Variants in AHCY observed in about 807,000 individuals in gnomAD.
AHCY encodes the protein adenosylhomocysteinase, also known as S-adenosyl-L-homocysteine hydrolase.
A neutral mutation model predicts 45.4 loss-of-function variants in AHCY; 24 were observed. The ratio of observed to expected loss-of-function variants is 0.53; its 90% CI spans 0.38 to 0.74. AHCY has a LOEUF of 0.74. Ranked by LOEUF, AHCY falls within the 30% of genes least tolerant of loss-of-function variation. The probability of loss-of-function intolerance (pLI) is 0.00; values close to 1 mark genes in which losing one functional copy is unlikely to be tolerated. For missense variants in AHCY, 449 were observed against 594.1 expected, an observed-to-expected ratio of 0.76 and a Z score of 2.54; for synonymous variants, 245 against 235.1, an observed-to-expected ratio of 1.04 and a Z score of -0.39.
the AHCY span, among the ~76,000 whole-genome samples, chr20:34,272,154 G>T: frequency 6.6e-6 from 1 of 152,166 alleles, no homozygotes; most frequent in African/African-American, 2.4e-5. Flanking sequence ...CCTTGCACTG[G>T]ACCATTCAAA....
At chr20:34,236,012 A>AGG in the AHCY span, among the ~76,000 whole-genome samples, 3 of 113,710 alleles carry the variant, frequency 2.6e-5, no homozygotes, top group Non-Finnish European at 4.9e-5. Flanking sequence ...GAAAGAGAGA[A>AGG]AGAGAGAGAG....
intron 4 of AHCY, among the ~76,000 whole-genome samples, chr20:34,291,998 G>T (rs2036412810): frequency 6.6e-6 from 1 of 152,214 alleles, no homozygotes; most frequent in Non-Finnish European, 1.5e-5. Flanking sequence ...CGCAGTGAAG[G>T]CTCCCTTTGC....
chr20:34,283,043 C>T (rs2036053634), intron 9 of AHCY, among the ~76,000 whole-genome samples: 1 of 152,204 alleles, frequency 6.6e-6, no homozygotes, highest in South Asian at 2.1e-4. Flanking sequence ...AGGTGATGTG[C>T]TCAGCAGAGA....
chr20:34,259,762 A>T, the AHCY span, among the ~76,000 whole-genome samples: 2 of 151,902 alleles, frequency 1.3e-5, no homozygotes, highest in Non-Finnish European at 2.9e-5. Context: ...AAAAAAAAAA[A>T]TCCAGCTAGC....
the AHCY span, among the ~76,000 whole-genome samples, chr20:34,235,997 AAGG>A: frequency 9.3e-6 from 1 of 107,648 alleles, no homozygotes; most frequent in Non-Finnish European, 1.7e-5. Context: ...AGAAGGAAGG[AAGG>A]AGAAAGAGAG....
chr20:34,276,601 G>A (rs1383031656), downstream of AHCY, among the ~76,000 whole-genome samples: 2 of 152,008 alleles, frequency 1.3e-5, no homozygotes, highest in Non-Finnish European at 2.9e-5. Context: ...CCCAGCACCC[G>A]GGGGTCTTTA....
At chr20:34,281,295 T>C (rs979290185) in intron 9 of AHCY, 130 bp from the exon 10 acceptor site, 28 of 1,406,166 alleles carry the variant, frequency 2.0e-5, no homozygotes, top group Admixed American at 7.5e-5. Flanking sequence ...GTTAACTCTT[T>C]CTATCCTCAC....
chr20:34,311,642 T>A (rs1201112628), exon 1 of AHCY: 3 of 152,514 alleles, frequency 2.0e-5, no homozygotes, highest in Non-Finnish European at 4.4e-5. Context: ...TCACTCTGGA[T>A]TAACTGGAGG....
At chr20:34,309,264 TTATCTATTTC>T (rs2036925270) in intron 1 of AHCY, among the ~76,000 whole-genome samples, 1 of 152,176 alleles carries the variant, frequency 6.6e-6, no homozygotes, top group Non-Finnish European at 1.5e-5. Flanking sequence ...CTGGCCGGAT[TTATCTATTTC>T]TATCTATTAG....
the AHCY span, among the ~76,000 whole-genome samples, chr20:34,247,538 C>A: frequency 1.2e-3 from 180 of 152,032 alleles, no homozygotes; most frequent in African/African-American, 4.2e-3. Flanking sequence ...ACCTCGTGAT[C>A]CACCCACCTC....
At chr20:34,302,781 G>A in intron 1 of AHCY, 1 of 996,316 alleles carries the variant, frequency 1.0e-6, no homozygotes, top group Non-Finnish European at 1.2e-6. Flanking sequence ...TCGCTTTCCA[G>A]GCCTCTCCTC....
At chr20:34,256,806 C>T in the AHCY span, among the ~76,000 whole-genome samples, 1 of 152,126 alleles carries the variant, frequency 6.6e-6, no homozygotes, top group Admixed American at 6.5e-5. Context: ...GATAGAGTCT[C>T]ACTGTGTTGC....
At chr20:34,304,497 GT>G (rs1214311683), upstream of AHCY, among the ~76,000 whole-genome samples, 1 of 149,442 alleles carries the variant, frequency 6.7e-6, no homozygotes, top group Non-Finnish European at 1.5e-5. Flanking sequence ...TTATAGTTAT[GT>G]TTTTTTAATT....
At chr20:34,301,993 TC>T (rs1408948829) in intron 1 of AHCY, 1 of 959,466 alleles carries the variant, frequency 1.0e-6, no homozygotes, top group African/African-American at 1.8e-5. Context: ...CTTAATAGTG[TC>T]TTTTTTTGTT....
chr20:34,302,788 C>A, intron 1 of AHCY: 1 of 1,003,064 alleles, frequency 1.0e-6, no homozygotes, highest in Non-Finnish European at 1.2e-6. Flanking sequence ...CCAGGCCTCT[C>A]CTCATACACC....
intron 9 of AHCY, 26 bp from the exon 10 acceptor site, chr20:34,281,191 G>T: frequency 6.2e-7 from 1 of 1,611,714 alleles, no homozygotes. Context: ...GGAAGACCGG[G>T]AATCAGTGCC....
Position 34,303,325 on chromosome 20 carries a change from A to G in AHCY, c.-55T>C. On this transcript the variant is annotated 5_prime_UTR_variant, in exon 1 of 10. Transcript: ENST00000217426. ...AAGGGGGCTGGGCCTCAGTCTGGGAACAGGAACTGGGCGGGCAGCGCCGAG... is the reference window on the plus strand; with the variant it reads ...AAGGGGGCTGGGCCTCAGTCTGGGAGCAGGAACTGGGCGGGCAGCGCCGAG... The G allele has an allele frequency of 1.3e-6, 2 of 1,551,194 alleles. No individual in the cohort carries two copies. Among genetic ancestry groups the G allele is most frequent in the Middle Eastern group, 1.7e-4 (1 of 5,992 alleles).
chr20:34,300,929 CCT>C (rs892927992), intron 1 of AHCY, among the ~76,000 whole-genome samples: 13 of 152,150 alleles, frequency 8.5e-5, no homozygotes, highest in Non-Finnish European at 1.2e-4. Flanking sequence ...CTGTGCCACC[CCT>C]GTCTCTGGGT....
At chr20:34,300,896 T>C (rs193114261) in intron 1 of AHCY, among the ~76,000 whole-genome samples, 5 of 152,236 alleles carry the variant, frequency 3.3e-5, no homozygotes, top group Non-Finnish European at 5.9e-5. Context: ...ATGGAGACAA[T>C]ACTACTTTAT....
Sources: allele counts gnomAD v4.1 joint callset (sites outside exome capture counted in the v4.1 genomes callset), GRCh38; gene constraint gnomAD v4.1.1; transcripts MANE v1.5; gene names NCBI Gene and HGNC (gene_info 2026-07-23, HGNC 2026-07-21).